Variants in TMEM132B observed in about 807,000 individuals in gnomAD.
TMEM132B encodes the protein transmembrane protein 132B.
TMEM132B carries 18 observed loss-of-function variants against 90.8 expected under a neutral mutation model. That is an observed-to-expected ratio of 0.20 (90% CI 0.14 to 0.29). TMEM132B has a LOEUF of 0.29. Ranked by LOEUF, TMEM132B falls within the 10% of genes least tolerant of loss-of-function variation. TMEM132B has a pLI of 1.00. For missense variants in TMEM132B, 1,096 were observed against 1,326.8 expected (o/e 0.83, Z 2.70); for synonymous variants, 504 against 523.3 (o/e 0.96, Z 0.50).
At chr12:125,381,001 C>T (rs914719777) in intron 2 of TMEM132B, among the ~76,000 whole-genome samples, 1 of 152,152 alleles carries the variant, frequency 6.6e-6, no homozygotes, top group African/African-American at 2.4e-5. Context: ...TTGCTTCTGT[C>T]CTGGTCAGAT....
chr12:125,305,698 C>T (rs904276642), intron 1 of TMEM132B, among the ~76,000 whole-genome samples: 2 of 150,942 alleles, frequency 1.3e-5, no homozygotes, highest in Non-Finnish European at 1.5e-5. Flanking sequence ...AAGAAAACCT[C>T]CTAACACTTT....
chr12:125,660,446 T>C lies in TMEM132B; in HGVS notation c.*5736T>C, dbSNP rs1248519054. On this transcript the variant is annotated 3_prime_UTR_variant, in exon 9 of 9. Coordinates refer to ENST00000682704, the MANE Select transcript of TMEM132B (RefSeq NM_001366854.1). ...AAAATGTAAACACGGCATTTGAAAT[T>C]TTTTGGTATTGAAATCCTTAATGCC... 6.6e-6 allele frequency: 1 copy of C among 152,196 alleles called. No individual in the cohort carries two copies. The highest frequency in any genetic ancestry group is 6.5e-5 in the Admixed American group (1 of 15,288). The allele number at this position is 152,196 out of a possible 1,614,324, so 9.4% of individuals were successfully genotyped here. A position where few individuals can be genotyped will look rare whatever the true frequency, so the allele number is the denominator to read the frequency against.
At chr12:125,613,211 A>G (rs1885904332) in intron 5 of TMEM132B, among the ~76,000 whole-genome samples, 1 of 123,022 alleles carries the variant, frequency 8.1e-6, no homozygotes. Context: ...TATATATTAT[A>G]CACCCACTAT....
In TMEM132B at chr12:125,515,945, G is replaced by C. The variant is rs561570356; in HGVS notation, c.1107-3494G>C. 7.3e-5 allele frequency among the ~76,000 whole-genome samples: 11 copies of C among 150,812 alleles called. No homozygotes were observed. In the East Asian group the frequency reaches 1.8e-3, roughly 25 times the overall value. ...ATATCCTATTTCTCTGTCACACACA[G>C]AGCTGCACATTCTCTCTTGTGCCGA... On this transcript the variant is annotated intron_variant, in intron 3 of 8. Transcript: ENST00000682704.
At chr12:125,329,763 AG>A in intron 1 of TMEM132B, among the ~76,000 whole-genome samples, 1 of 152,338 alleles carries the variant, frequency 6.6e-6, no homozygotes, top group East Asian at 1.9e-4. Context: ...CTTGACACTC[AG>A]GTGGCCAATG....
intron 1 of TMEM132B, among the ~76,000 whole-genome samples, chr12:125,245,140 TTTG>T (rs1874177538): frequency 6.6e-6 from 1 of 152,124 alleles, no homozygotes; most frequent in East Asian, 1.9e-4. Flanking sequence ...CAAAAGTACT[TTTG>T]TTGGTTTCCT....
At chr12:125,448,664 A>G (rs1342822471) in intron 3 of TMEM132B, among the ~76,000 whole-genome samples, 3 of 152,240 alleles carry the variant, frequency 2.0e-5, no homozygotes, top group Non-Finnish European at 4.4e-5. Context: ...GAACATTCAC[A>G]TACAAATATT....
chr12:125,400,022 A>G (rs550127149), intron 2 of TMEM132B, among the ~76,000 whole-genome samples: 10 of 152,278 alleles, frequency 6.6e-5, no homozygotes, highest in Non-Finnish European at 1.2e-4. Flanking sequence ...CTACAATTGT[A>G]GCTGCGATGA....
chr12:125,610,251 G>A (rs888632176), intron 5 of TMEM132B, among the ~76,000 whole-genome samples: 1 of 151,738 alleles, frequency 6.6e-6, no homozygotes, highest in Non-Finnish European at 1.5e-5. Context: ...AATTTTCTTG[G>A]CTAGAACTTC....
chr12:125,399,612 C>G (rs1412861325), intron 2 of TMEM132B, among the ~76,000 whole-genome samples: 3 of 152,032 alleles, frequency 2.0e-5, no homozygotes, highest in African/African-American at 4.8e-5. Flanking sequence ...TTTCAGACTT[C>G]TGGCCTCCAG....
intron 1 of TMEM132B, among the ~76,000 whole-genome samples, chr12:125,243,943 C>T (rs1329792196): frequency 1.3e-5 from 2 of 152,200 alleles, no homozygotes; most frequent in East Asian, 3.9e-4. Context: ...AGCCCCTGCC[C>T]ACCACTAACC....
At chr12:125,238,182 G>A (rs1295342204) in intron 1 of TMEM132B, among the ~76,000 whole-genome samples, 2 of 151,630 alleles carry the variant, frequency 1.3e-5, no homozygotes, top group Admixed American at 6.6e-5. Flanking sequence ...GGAGGTTATT[G>A]CATATTTTCT....
intron 6 of TMEM132B, among the ~76,000 whole-genome samples, chr12:125,649,069 A>G (rs190667570): frequency 7.4e-4 from 112 of 152,316 alleles, no homozygotes; most frequent in African/African-American, 2.6e-3. Flanking sequence ...ATTGAATGCT[A>G]TGTTTCTTTG....
intron 5 of TMEM132B, among the ~76,000 whole-genome samples, chr12:125,595,450 C>G (rs935760644): frequency 7.2e-5 from 11 of 152,188 alleles, no homozygotes; most frequent in Non-Finnish European, 1.2e-4. Flanking sequence ...ACCTCAGAGA[C>G]AGGCTTTGTA....
intron 4 of TMEM132B, among the ~76,000 whole-genome samples, chr12:125,543,895 A>G (rs902819001): frequency 6.6e-6 from 1 of 152,120 alleles, no homozygotes; most frequent in African/African-American, 2.4e-5. Context: ...AGATACATGC[A>G]TGCTTATGTT....
intron 5 of TMEM132B, among the ~76,000 whole-genome samples, chr12:125,632,416 T>C (rs1374509185): frequency 1.3e-5 from 2 of 152,242 alleles, no homozygotes; most frequent in East Asian, 1.9e-4. Context: ...AGGATAAGAG[T>C]AGTTTACCCA....
intron 2 of TMEM132B, among the ~76,000 whole-genome samples, chr12:125,372,182 C>G (rs1878314464): frequency 2.6e-5 from 4 of 152,210 alleles, no homozygotes; most frequent in Admixed American, 1.3e-4. Context: ...TTTATCCCAG[C>G]ATATTTTAGC....
At chr12:125,359,589 A>T (rs1186807349) in intron 2 of TMEM132B, among the ~76,000 whole-genome samples, 1 of 152,200 alleles carries the variant, frequency 6.6e-6, no homozygotes, top group Non-Finnish European at 1.5e-5. Context: ...CTTCCTAAAA[A>T]AGTAGCCTCC....
At chr12:125,565,921 A>G (rs1423424234) in intron 4 of TMEM132B, among the ~76,000 whole-genome samples, 1 of 152,190 alleles carries the variant, frequency 6.6e-6, no homozygotes, top group Non-Finnish European at 1.5e-5. Flanking sequence ...GGCCTTTGCC[A>G]GGGATCTGCC....
Sources: allele counts gnomAD v4.1 joint callset (sites outside exome capture counted in the v4.1 genomes callset), GRCh38; gene constraint gnomAD v4.1.1; transcripts MANE v1.5; gene names NCBI Gene and HGNC (gene_info 2026-07-23, HGNC 2026-07-21).